The following FCRL5 variants were observed in gnomAD, a reference collection of about 807,000 sequenced individuals.
FCRL5 encodes Fc receptor like 5.
A neutral mutation model predicts 92.1 loss-of-function variants in FCRL5; 79 were observed. That is an observed-to-expected ratio of 0.86 (90% CI 0.72 to 1.03). The LOEUF is 1.03. FCRL5 is among the 50% of genes least tolerant of loss of function. The pLI, the probability that FCRL5 is intolerant of heterozygous loss-of-function variation, is 0.00. For missense variants in FCRL5, 1,160 were observed against 1,181.1 expected (o/e 0.98, Z 0.26); for synonymous variants, 466 against 469.3 (o/e 0.99, Z 0.09).
rs1478294525 is a variant in FCRL5, at chr1:157,544,406, TC to T, written c.699del (p.Thr234ProfsTer4). 1.2e-6 allele frequency: 2 copies of T among 1,614,136 alleles called. No individual in the cohort carries two copies. The highest frequency in any genetic ancestry group is 2.7e-5 in the African/African-American group (2 of 75,018). The part of the protein sequence containing the change: ...PLRFRFFRDD[Q>X]TLGLGWSLSP... The stretch of plus-strand genomic sequence containing the variant: ...GAGAGACTCCAGCCTAATCCCAGGG[TC>T]TGGTCATCTCTGAAGAAGCGGAACC... On this transcript the variant is annotated frameshift_variant, in exon 5 of 17. Transcript: ENST00000361835. LOFTEE classifies it high-confidence loss of function.
At chr1:157,550,690 ATTCC>A (rs1651773047) in intron 1 of FCRL5, among the ~76,000 whole-genome samples, 1 of 152,260 alleles carries the variant, frequency 6.6e-6, no homozygotes, top group African/African-American at 2.4e-5. Context: ...TATAAAAGAT[ATTCC>A]TTTAATGTTC....
intron 15 of FCRL5, among the ~76,000 whole-genome samples, chr1:157,517,775 G>T (rs919798240): frequency 7.2e-5 from 11 of 152,162 alleles, no homozygotes; most frequent in African/African-American, 2.7e-4. Flanking sequence ...AACTAGTACA[G>T]GTAGGTAGGT....
chr1:157,547,028 G>A lies in FCRL5; in HGVS notation c.222C>T (p.Ile74=). Residue 74 remains isoleucine (I), a synonymous_variant, in exon 3 of 17, where the codon ATC becomes ATT. Transcript: ENST00000361835. The part of the protein sequence containing the change: ...KEILRETPDN[I]LEVQESGEYR... The stretch of plus-strand genomic sequence containing the variant: ...ACTCTCCAGATTCCTGAACCTCAAG[G>A]ATATTGTCTGGGGTTTCTCTTAGTA... 1 of 1,614,154 alleles carries A rather than the reference G, an allele frequency of 6.2e-7. No individual in the cohort carries two copies. Among genetic ancestry groups the A allele is most frequent in the Non-Finnish European group, 8.5e-7 (1 of 1,180,016 alleles).
rs914918491 is a variant in FCRL5 at position 157,518,704 on chromosome 1, A to G, written c.2739T>C (p.Thr913=). 6.2e-7 allele frequency: 1 copy of G among 1,611,960 alleles called. No homozygotes were observed. The highest frequency in any genetic ancestry group is 1.1e-5 in the South Asian group (1 of 90,460). Reference sequence around the variant, plus strand: ...TGCAGGATCCTCGGGCCTCACCATTAGTGTACACTGGTTGCAGCTCTTCCC... The same window carrying G: ...TGCAGGATCCTCGGGCCTCACCATTGGTGTACACTGGTTGCAGCTCTTCCC... ...PAWEELQPVY[T]NANPRGENVV... is the part of the protein sequence containing the mutation. Residue 913 remains threonine, a synonymous_variant, in exon 14 of 17, where the codon ACT becomes ACC. Coordinates refer to ENST00000361835, the MANE Select transcript of FCRL5 (RefSeq NM_031281.3).
intron 10 of FCRL5, chr1:157,523,912 G>A: frequency 3.0e-6 from 1 of 328,316 alleles, no homozygotes. Flanking sequence ...GTCAATGAGA[G>A]AAGAATCCGG....
chr1:157,542,867 G>T lies in FCRL5; in HGVS notation c.1115C>A (p.Ser372Ter). 1 of 1,611,868 alleles carries T rather than the reference G, an allele frequency of 6.2e-7. No homozygotes were observed. The highest frequency in any genetic ancestry group is 8.5e-7 in the Non-Finnish European group (1 of 1,179,092). ...AGGAATGCAGGGCTTACCAGTGACT[G>T]AGAGGCTCACAGCCTTACTGGGCTT... The part of the protein sequence containing the change: ...GAKPSKAVSL[S>*]VTVPVSHPVL... Residue 372 changes from serine (S) to a stop codon, truncating the protein, a stop_gained, in exon 6 of 17, where the codon TCA becomes TAA. Transcript: ENST00000361835. LOFTEE classifies it high-confidence loss of function.
rs377506171 is a variant in FCRL5, at chr1:157,518,477, C to A, written c.2764G>T (p.Val922Leu). ...YTNANPRGEN[V>L]VYSEVRIIQE... Reference sequence around the variant, plus strand: ...ATGATCCGTACTTCTGAGTAAACCACATTTTCTCCTCTAGGATTTGCTTAG... The same window carrying A: ...ATGATCCGTACTTCTGAGTAAACCAAATTTTCTCCTCTAGGATTTGCTTAG... Residue 922 changes from valine (V) to leucine (L), a missense_variant, in exon 15 of 17, where the codon GTG becomes TTG. Physicochemically the swap from Val to Leu is conservative, Grantham distance 32. Transcript: ENST00000361835. 1.2e-6 allele frequency: 2 copies of A among 1,614,068 alleles called. No homozygotes were observed. The highest frequency in any genetic ancestry group is 1.7e-6 in the Non-Finnish European group (2 of 1,180,006).
At chr1:157,552,264 C>T in intron 1 of FCRL5, 68 bp downstream of exon 1, 1 of 1,501,820 alleles carries the variant, frequency 6.7e-7, no homozygotes, top group Non-Finnish European at 9.3e-7. Context: ...AAGAAAGGAC[C>T]AGGCCTGCGG....
intron 9 of FCRL5, among the ~76,000 whole-genome samples, chr1:157,526,182 A>G (rs1471648216): frequency 2.0e-5 from 3 of 152,190 alleles, no homozygotes; most frequent in Non-Finnish European, 4.4e-5. Context: ...AGATTCACTG[A>G]AGGGAGGGTT....
At chr1:157,540,036 C>T (rs544260841) in intron 6 of FCRL5, among the ~76,000 whole-genome samples, 2 of 152,124 alleles carry the variant, frequency 1.3e-5, no homozygotes, top group Non-Finnish European at 2.9e-5. Flanking sequence ...ATATACTATC[C>T]AAATTGATTG....
chr1:157,516,835 C>T (rs1649955429), intron 15 of FCRL5, among the ~76,000 whole-genome samples: 1 of 152,150 alleles, frequency 6.6e-6, no homozygotes, highest in Non-Finnish European at 1.5e-5. Context: ...TGGTGATTGA[C>T]TATAAGATTT....
intron 1 of FCRL5, among the ~76,000 whole-genome samples, chr1:157,552,021 GAACA>G (rs1651841413): frequency 6.6e-6 from 1 of 152,076 alleles, no homozygotes; most frequent in Admixed American, 6.6e-5. Flanking sequence ...AAGACAATAT[GAACA>G]AACAAACATG....
intron 1 of FCRL5, among the ~76,000 whole-genome samples, chr1:157,551,248 C>G (rs1025972076): frequency 2.0e-5 from 3 of 152,266 alleles, no homozygotes. Context: ...ACCCCAGAGC[C>G]CATGTTATAA....
intron 5 of FCRL5, 49 bp downstream of exon 5, chr1:157,544,213 A>G: frequency 6.2e-7 from 1 of 1,601,642 alleles, no homozygotes. Context: ...GCCCTGTCCC[A>G]CTTTTCCAGC....
At chr1:157,529,728 C>T (rs143939319) in intron 8 of FCRL5, among the ~76,000 whole-genome samples, 2,002 of 152,246 alleles carry the variant, frequency 0.013, 40 homozygotes, top group African/African-American at 0.046. Flanking sequence ...GAAAACCAAA[C>T]ATTGTATGTT....
At chr1:157,549,665 G>A (rs927107439) in intron 1 of FCRL5, 85 bp from the exon 2 acceptor site, 11 of 1,217,622 alleles carry the variant, frequency 9.0e-6, no homozygotes, top group Non-Finnish European at 1.3e-5. Flanking sequence ...ACCCATGCAT[G>A]TATTACTTGT....
intron 8 of FCRL5, chr1:157,532,420 A>G (rs1242592729): frequency 6.6e-6 from 1 of 152,178 alleles, no homozygotes; most frequent in African/African-American, 2.4e-5. Flanking sequence ...TCTATTACTA[A>G]TTTTTTAAAA....
chr1:157,544,537 G>A lies in FCRL5; in HGVS notation c.569C>T (p.Thr190Ile). 6.2e-7 allele frequency: 1 copy of A among 1,613,868 alleles called. No homozygotes were observed. Among genetic ancestry groups the A allele is most frequent in the Non-Finnish European group, 8.5e-7 (1 of 1,179,934 alleles). Residue 190 changes from threonine to isoleucine, a missense_variant, in exon 5 of 17, where the codon ACA becomes ATA. Physicochemically the swap from Thr to Ile is moderately conservative, Grantham distance 89. Transcript: ENST00000361835. ...TVKIQVQEPFTRPVLRASSFQ... is the reference protein window; with the variant it reads ...TVKIQVQEPFIRPVLRASSFQ... Reference sequence around the variant, plus strand: ...GGAGCTGGCTCTCAGCACTGGACGTGTAAATGGCTCTAGAGAGAAGAATCA... The same window carrying A: ...GGAGCTGGCTCTCAGCACTGGACGTATAAATGGCTCTAGAGAGAAGAATCA...
chr1:157,533,655 T>C (rs1650799956), intron 8 of FCRL5: 1 of 152,308 alleles, frequency 6.6e-6, no homozygotes, highest in Non-Finnish European at 1.5e-5. Context: ...GCTTACATTC[T>C]ACTGGCATTA....
Sources: gnomAD v4.1 joint callset for allele counts (sites outside exome capture counted in the v4.1 genomes callset) on GRCh38, gnomAD v4.1.1 for gene constraint, MANE v1.5 for transcripts, NCBI Gene and HGNC (gene_info 2026-07-23, HGNC 2026-07-21) for gene names.